Variants in KLHDC1 observed in about 807,000 individuals in gnomAD.
KLHDC1 encodes kelch domain-containing protein 1.
KLHDC1 carries 53 observed loss-of-function variants against 68.3 expected under a neutral mutation model. The observed-to-expected ratio is 0.78, with a 90% CI of 0.62 to 0.98. The LOEUF (loss-of-function observed/expected upper bound fraction) is 0.98, where lower values mean the gene tolerates loss of function less well. Among genes scored for constraint, KLHDC1 ranks in the 50% least tolerant of loss-of-function variants. The probability of loss-of-function intolerance (pLI) is 0.00; values close to 1 mark genes in which losing one functional copy is unlikely to be tolerated. For missense variants in KLHDC1, 470 were observed against 492.3 expected (o/e 0.95, Z 0.43); for synonymous variants, 148 against 159.0 (o/e 0.93, Z 0.52).
intron 1 of KLHDC1, among the ~76,000 whole-genome samples, chr14:49,701,774 C>G (rs191154878): frequency 3.9e-5 from 6 of 152,334 alleles, no homozygotes; most frequent in African/African-American, 1.2e-4. Context: ...TGGCTCATGC[C>G]TATAATCCCA....
intron 1 of KLHDC1, among the ~76,000 whole-genome samples, chr14:49,694,522 T>A (rs2139723407): frequency 6.6e-6 from 1 of 152,190 alleles, no homozygotes; most frequent in Admixed American, 6.5e-5. Flanking sequence ...TACATTGTAG[T>A]GTGTTAAGCA....
At chr14:49,740,750 C>A (rs1889046378) in intron 11 of KLHDC1, among the ~76,000 whole-genome samples, 1 of 152,136 alleles carries the variant, frequency 6.6e-6, no homozygotes. Flanking sequence ...AGGATGACTC[C>A]TCTTTCTCTT....
chr14:49,707,157 G>T (rs1301684554), intron 1 of KLHDC1, among the ~76,000 whole-genome samples: 1 of 151,826 alleles, frequency 6.6e-6, no homozygotes, highest in Non-Finnish European at 1.5e-5. Context: ...TGTGATTTTT[G>T]TATATGGTGA....
intron 10 of KLHDC1, among the ~76,000 whole-genome samples, chr14:49,734,865 T>C (rs1888896331): frequency 6.6e-6 from 1 of 152,174 alleles, no homozygotes; most frequent in Non-Finnish European, 1.5e-5. Context: ...TTTTCACCCA[T>C]ACTTGCATAT....
intron 4 of KLHDC1, among the ~76,000 whole-genome samples, chr14:49,715,782 A>ATATATATATATATAT (rs1342894277): frequency 6.9e-6 from 1 of 144,718 alleles, no homozygotes; most frequent in African/African-American, 2.5e-5. Context: ...ATATATATAT[A>ATATATATATATATAT]ATAAAAGATA....
chr14:49,718,778 T>C (rs1326534410), intron 4 of KLHDC1, among the ~76,000 whole-genome samples: 2 of 132,086 alleles, frequency 1.5e-5, no homozygotes, highest in Admixed American at 7.7e-5. Flanking sequence ...TCTTTTTTTT[T>C]TTTTTTTTTT....
intron 12 of KLHDC1, among the ~76,000 whole-genome samples, chr14:49,745,967 A>G (rs1019400139): frequency 2.0e-5 from 3 of 152,346 alleles, no homozygotes; most frequent in Middle Eastern, 3.4e-3. Context: ...GGGATATGTG[A>G]CTGGGTAAAG....
chr14:49,737,748 C>G (rs1888962679), intron 10 of KLHDC1, among the ~76,000 whole-genome samples: 1 of 148,980 alleles, frequency 6.7e-6, no homozygotes, highest in South Asian at 2.1e-4. Flanking sequence ...GCCTGTAGTT[C>G]TAGCTACTCA....
intron 8 of KLHDC1, 48 bp downstream of exon 8, chr14:49,729,596 G>A (rs1451568210): frequency 3.4e-6 from 4 of 1,184,154 alleles, no homozygotes; most frequent in Middle Eastern, 1.9e-4. Flanking sequence ...ATGTGTATGT[G>A]TCTGTATGTC....
chr14:49,741,582 C>T (rs1040016083), intron 11 of KLHDC1, among the ~76,000 whole-genome samples: 1 of 152,116 alleles, frequency 6.6e-6, no homozygotes, highest in Non-Finnish European at 1.5e-5. Flanking sequence ...GCAGGGATTA[C>T]AGGCATCAGC....
At chr14:49,723,437 C>A (rs747221191) in intron 4 of KLHDC1, among the ~76,000 whole-genome samples, 3 of 152,096 alleles carry the variant, frequency 2.0e-5, no homozygotes, top group Non-Finnish European at 4.4e-5. Context: ...AGGTCTGAGG[C>A]AGGAGGACTG....
At chr14:49,697,478 G>C (rs972906591) in intron 1 of KLHDC1, among the ~76,000 whole-genome samples, 2 of 152,194 alleles carry the variant, frequency 1.3e-5, no homozygotes, top group African/African-American at 4.8e-5. Context: ...AATACTGTGA[G>C]AATTACCAAA....
At chr14:49,746,383 A>C (rs1389367648) in intron 12 of KLHDC1, among the ~76,000 whole-genome samples, 1 of 152,176 alleles carries the variant, frequency 6.6e-6, no homozygotes, top group Non-Finnish European at 1.5e-5. Flanking sequence ...GCAACTCAGC[A>C]TTAGGACCTT....
chr14:49,693,679 C>G (rs963904379), intron 1 of KLHDC1, among the ~76,000 whole-genome samples: 3 of 151,596 alleles, frequency 2.0e-5, no homozygotes, highest in African/African-American at 7.3e-5. Flanking sequence ...TTCCTTATTC[C>G]CACGGCGCGA....
intron 10 of KLHDC1, among the ~76,000 whole-genome samples, chr14:49,738,687 A>G (rs1018939796): frequency 6.6e-6 from 1 of 152,122 alleles, no homozygotes; most frequent in African/African-American, 2.4e-5. Flanking sequence ...TTGAGCAGCT[A>G]CTGGGTACAG....
In KLHDC1 at chr14:49,697,215, G is replaced by T. The variant is rs567124050; in HGVS notation, c.96+3925G>T. The stretch of plus-strand genomic sequence containing the variant: ...CTCCCAGAGTGCTGGGATTATAGGC[G>T]TGAGCCACCATGCCTGGCAAGGCCT... On this transcript the variant is annotated intron_variant, in intron 1 of 12. Transcript: ENST00000359332. Among the ~76,000 whole-genome samples the T allele has an allele frequency of 3.3e-5, 5 of 152,224 alleles. 1 individual carries two copies. The highest frequency in any genetic ancestry group is 1.2e-4 in the African/African-American group (5 of 41,464).
intron 12 of KLHDC1, among the ~76,000 whole-genome samples, chr14:49,744,069 AGGTCAG>A (rs1421986537): frequency 1.3e-5 from 2 of 151,882 alleles, no homozygotes; most frequent in Non-Finnish European, 2.9e-5. Context: ...GGATCACTTG[AGGTCAG>A]GAGTTCAAGA....
At chr14:49,694,337 A>G (rs1887671332) in intron 1 of KLHDC1, among the ~76,000 whole-genome samples, 1 of 151,976 alleles carries the variant, frequency 6.6e-6, no homozygotes, top group Non-Finnish European at 1.5e-5. Flanking sequence ...TGATAGTAGA[A>G]CCTACATCTT....
intron 4 of KLHDC1, among the ~76,000 whole-genome samples, chr14:49,720,031 G>A (rs71420153): frequency 0.095 from 14,389 of 150,920 alleles, 912 homozygotes; most frequent in Admixed American, 0.21. Flanking sequence ...CTGTTGCCCA[G>A]GCTGGAGTGC....
Sources: allele counts gnomAD v4.1 joint callset (sites outside exome capture counted in the v4.1 genomes callset), GRCh38; gene constraint gnomAD v4.1.1; transcripts MANE v1.5; gene names NCBI Gene and HGNC (gene_info 2026-07-23, HGNC 2026-07-21).